RXRA: variants seen among roughly 807,000 people sequenced by gnomAD.
RXRA encodes the protein retinoid X receptor alpha.
Under a neutral mutation model 44.5 loss-of-function variants are expected in RXRA, and 5 were observed. The observed-to-expected ratio is 0.11, with a 90% confidence interval of 0.06 to 0.24. RXRA has a LOEUF of 0.24. Among genes scored for constraint, RXRA ranks in the 10% least tolerant of loss-of-function variants. The pLI, the probability that RXRA is intolerant of heterozygous loss-of-function variation, is 1.00. For synonymous variants in RXRA, 291 were observed against 271.4 expected (o/e 1.07, Z -0.71); for missense variants, 412 against 646.5 (o/e 0.64, Z 3.93).
At chr9:134,424,790 T>G (rs749068690) in intron 6 of RXRA, 23 of 985,322 alleles carry the variant, frequency 2.3e-5, no homozygotes, top group African/African-American at 5.2e-5. Flanking sequence ...TCTGTCCCCC[T>G]CCAGGGGGCT....
At chr9:134,415,862 G>T (rs543400355) in intron 4 of RXRA, among the ~76,000 whole-genome samples, 1 of 152,358 alleles carries the variant, frequency 6.6e-6, no homozygotes, top group South Asian at 2.1e-4. Flanking sequence ...AGAGGTGGCC[G>T]CAGGACCCCA....
At position 134,365,687 on chromosome 9, in the gene RXRA, C is replaced by T. The variant is rs1481406307; in HGVS notation, c.29-35945C>T. The stretch of plus-strand genomic sequence containing the variant: ...TGAGTTTCAGGTCTGTTCTTGGTGG[C>T]TGTTAACTCTAGGCCAGATGTAGCC... On this transcript the variant is annotated intron_variant, in intron 1 of 9. Transcript: ENST00000481739. The surrounding 1 kb of genome is among the most constrained non-coding windows in gnomAD (Gnocchi z 4.0). 6.6e-6 allele frequency among the ~76,000 whole-genome samples: 1 copy of T among 151,418 alleles called. No individual in the cohort carries two copies. Among genetic ancestry groups the T allele is most frequent in the Non-Finnish European group, 1.5e-5 (1 of 67,930 alleles).
chr9:134,358,409 A>G (rs1454781524), intron 1 of RXRA, among the ~76,000 whole-genome samples: 3 of 152,194 alleles, frequency 2.0e-5, no homozygotes. Context: ...GGGGGAGGTA[A>G]CAGGGAACAT....
intron 1 of RXRA, among the ~76,000 whole-genome samples, chr9:134,344,596 G>C (rs1483929313): frequency 6.6e-6 from 1 of 152,140 alleles, no homozygotes; most frequent in East Asian, 1.9e-4. Context: ...GGGCCCTGGA[G>C]CCCTCTCCTC....
rs554233082 is a variant in RXRA, at chr9:134,384,622, G to A, written c.29-17010G>A. On this transcript the variant is annotated intron_variant, in intron 1 of 9. Transcript: ENST00000481739. Reference sequence around the variant, plus strand: ...AGCAGCGTGTGGACCCATGCAGGGCGTGCTGGGGGGCAGGGGCCAGAGCTG... The same window carrying A: ...AGCAGCGTGTGGACCCATGCAGGGCATGCTGGGGGGCAGGGGCCAGAGCTG... Among the ~76,000 whole-genome samples, 13 of 151,802 alleles carry A rather than the reference G, an allele frequency of 8.6e-5. 1 individual carries two copies. Among genetic ancestry groups the A allele is most frequent in the Non-Finnish European group, 1.5e-4 (10 of 68,022 alleles).
intron 2 of RXRA, chr9:134,403,012 T>C (rs550523318): frequency 1.3e-5 from 2 of 152,210 alleles, no homozygotes; most frequent in Non-Finnish European, 2.9e-5. Context: ...TGCCTCAGTT[T>C]ACCTAGGGCA....
At chr9:134,421,230 A>G (rs1037586976) in intron 5 of RXRA, among the ~76,000 whole-genome samples, 1 of 152,196 alleles carries the variant, frequency 6.6e-6, no homozygotes, top group East Asian at 1.9e-4. Flanking sequence ...GCTGACATCA[A>G]GGTGCCTGCC....
chr9:134,336,624 CT>C (rs1441931993), intron 1 of RXRA, among the ~76,000 whole-genome samples: 3 of 152,276 alleles, frequency 2.0e-5, no homozygotes, highest in African/African-American at 7.2e-5. Flanking sequence ...ACCTCAGAGT[CT>C]TTTTCAAGAC....
chr9:134,419,696 G>A (rs1406586377), intron 5 of RXRA, among the ~76,000 whole-genome samples: 9 of 152,238 alleles, frequency 5.9e-5, no homozygotes, highest in East Asian at 5.8e-4. Flanking sequence ...CATGAGGCAC[G>A]TTGGATCTCC....
chr9:134,330,540 C>T (rs1554746519), intron 1 of RXRA, among the ~76,000 whole-genome samples: 1 of 152,180 alleles, frequency 6.6e-6, no homozygotes, highest in African/African-American at 2.4e-5. Flanking sequence ...ACCCTCCTCC[C>T]CCCTGCACCT....
At chr9:134,392,709 A>G (rs1447518377) in intron 1 of RXRA, among the ~76,000 whole-genome samples, 1 of 152,186 alleles carries the variant, frequency 6.6e-6, no homozygotes, top group Non-Finnish European at 1.5e-5. Context: ...TGGTAAAATC[A>G]GATGCCCTGT....
chr9:134,417,560 A>G lies in RXRA; in HGVS notation c.780+233A>G, dbSNP rs1371542855. 6.6e-6 allele frequency among the ~76,000 whole-genome samples: 1 copy of G among 151,962 alleles called. No individual in the cohort carries two copies. Among genetic ancestry groups the G allele is most frequent in the Non-Finnish European group, 1.5e-5 (1 of 67,958 alleles). Reference sequence around the variant, plus strand: ...ACGAGTAGCCCATGGGGCAGGGGCCAGGGGCCAGGGGCCCGGGGCCTGGGG... The same window carrying G: ...ACGAGTAGCCCATGGGGCAGGGGCCGGGGGCCAGGGGCCCGGGGCCTGGGG... On this transcript the variant is annotated intron_variant, in intron 5 of 9. Coordinates refer to ENST00000481739, the MANE Select transcript of RXRA (RefSeq NM_002957.6). This position sits in a 1 kb window ranked among gnomAD's most constrained non-coding sequence, Gnocchi z 6.1.
At position 134,408,880 on chromosome 9, in the gene RXRA, G is replaced by GGGTGGGCTCCCTGCCGGGGC. The variant is rs1490200547; in HGVS notation, c.431-53_431-34dup. Reference sequence around the variant, plus strand: ...GCTGGTAGTGGCGGCGTTGGATGGGGGGTGGGCTCCCTGCCGGGGCGGTGG... The same window carrying GGGTGGGCTCCCTGCCGGGGC: ...GCTGGTAGTGGCGGCGTTGGATGGGGGGTGGGCTCCCTGCCGGGGCGGTGGGCTCCCTGCCGGGGCGGTGG... On this transcript the variant is annotated intron_variant, in intron 3 of 9. Coordinates refer to ENST00000481739, the MANE Select transcript of RXRA (RefSeq NM_002957.6). The GGGTGGGCTCCCTGCCGGGGC allele has an allele frequency of 4.9e-6, 7 of 1,425,508 alleles. No individual in the cohort carries two copies. In the East Asian group the frequency reaches 1.9e-4, roughly 39 times the overall value. 88.3% of individuals were successfully genotyped at this position (1,425,508 alleles called of 1,614,324 possible).
chr9:134,387,154 C>G (rs1830732019), intron 1 of RXRA, among the ~76,000 whole-genome samples: 1 of 152,216 alleles, frequency 6.6e-6, no homozygotes, highest in South Asian at 2.1e-4. Flanking sequence ...GTCGGAGGGT[C>G]CCCACACCCA....
chr9:134,331,602 C>T (rs1409893971), intron 1 of RXRA, among the ~76,000 whole-genome samples: 1 of 152,224 alleles, frequency 6.6e-6, no homozygotes, highest in Non-Finnish European at 1.5e-5. Flanking sequence ...TTGTCCAGGA[C>T]TCACCCTACC....
intron 1 of RXRA, among the ~76,000 whole-genome samples, chr9:134,376,875 G>A (rs953746963): frequency 2.0e-5 from 3 of 152,250 alleles, no homozygotes; most frequent in Non-Finnish European, 4.4e-5. Flanking sequence ...GGCACCTTGG[G>A]CGTCGAGTCT....
intron 1 of RXRA, among the ~76,000 whole-genome samples, chr9:134,338,499 C>T (rs1156871968): frequency 3.3e-5 from 5 of 152,244 alleles, no homozygotes; most frequent in Non-Finnish European, 5.9e-5. Flanking sequence ...GAGGTCACTG[C>T]CACTCTTGCT....
At chr9:134,400,010 T>C (rs1830934597) in intron 1 of RXRA, among the ~76,000 whole-genome samples, 1 of 152,216 alleles carries the variant, frequency 6.6e-6, no homozygotes, top group South Asian at 2.1e-4. Context: ...AACCTCTGTG[T>C]TCCTGCTGCC....
intron 1 of RXRA, among the ~76,000 whole-genome samples, chr9:134,347,608 G>A (rs915350077): frequency 6.6e-6 from 1 of 152,234 alleles, no homozygotes. Flanking sequence ...CCAGGTATGC[G>A]GAGGGTCACT....
Sources: allele counts gnomAD v4.1 joint callset (sites outside exome capture counted in the v4.1 genomes callset), GRCh38; gene constraint gnomAD v4.1.1; non-coding constraint Gnocchi (gnomAD v3.1); transcripts MANE v1.5; gene names NCBI Gene and HGNC (gene_info 2026-07-23, HGNC 2026-07-21).